Variants in SLC44A5 observed in about 807,000 individuals in gnomAD.
The protein encoded by SLC44A5 is choline transporter-like protein 5.
SLC44A5 carries 57 observed loss-of-function variants against 101.8 expected under a neutral mutation model. That is an observed-to-expected ratio of 0.56 (90% CI 0.45 to 0.70). The LOEUF is 0.70. Ranked by LOEUF, SLC44A5 falls within the 30% of genes least tolerant of loss-of-function variation. The probability of loss-of-function intolerance (pLI) is 0.00; values close to 1 mark genes in which losing one functional copy is unlikely to be tolerated. For synonymous variants in SLC44A5, 281 were observed against 290.9 expected (o/e 0.97, Z 0.35); for missense variants, 737 against 853.1 (o/e 0.86, Z 1.70).
At chr1:75,403,125 G>A (rs896814239) in intron 2 of SLC44A5, among the ~76,000 whole-genome samples, 5 of 152,198 alleles carry the variant, frequency 3.3e-5, no homozygotes, top group African/African-American at 9.6e-5. Context: ...CAAAGACACT[G>A]TAGCCAGACT....
chr1:75,720,430 A>T, the SLC44A5 span: 12 of 152,220 alleles, frequency 7.9e-5, no homozygotes, highest in Non-Finnish European at 8.8e-5. Flanking sequence ...AAGTTTTGTG[A>T]AACAGTGCTT....
intron 4 of SLC44A5, among the ~76,000 whole-genome samples, chr1:75,304,250 A>G (rs1273007747): frequency 1.3e-5 from 2 of 152,026 alleles, no homozygotes; most frequent in African/African-American, 4.8e-5. Flanking sequence ...TTGTTTCTGT[A>G]GCAACTTGAT....
At chr1:75,625,960 T>G in the SLC44A5 span, among the ~76,000 whole-genome samples, 1 of 152,268 alleles carries the variant, frequency 6.6e-6, no homozygotes, top group East Asian at 1.9e-4. Flanking sequence ...GCTTCTAGTT[T>G]CTCTTTGAAG....
intron 1 of SLC44A5, among the ~76,000 whole-genome samples, chr1:75,550,035 G>GA (rs1570590685): frequency 6.6e-6 from 1 of 151,814 alleles, no homozygotes; most frequent in South Asian, 2.1e-4. Context: ...TTTAAGTGAA[G>GA]AAAAAAACAT....
At chr1:75,538,160 G>A (rs1003704952) in intron 2 of SLC44A5, 4 of 152,188 alleles carry the variant, frequency 2.6e-5, no homozygotes, top group African/African-American at 9.7e-5. Flanking sequence ...GAACATCCAA[G>A]AATAAACAGA....
intron 4 of SLC44A5, among the ~76,000 whole-genome samples, chr1:75,318,399 GAAAGAAA>G (rs1250435412): frequency 6.7e-6 from 1 of 148,560 alleles, no homozygotes; most frequent in African/African-American, 2.5e-5. Context: ...AAGAAAGAAA[GAAAGAAA>G]GAAAGAAAGA....
At chr1:75,461,738 G>A (rs530414683) in intron 2 of SLC44A5, among the ~76,000 whole-genome samples, 1 of 152,172 alleles carries the variant, frequency 6.6e-6, no homozygotes, top group Non-Finnish European at 1.5e-5. Flanking sequence ...ACAATAAGCT[G>A]ACTAAAAAGC....
chr1:75,674,771 A>C, the SLC44A5 span, among the ~76,000 whole-genome samples: 3 of 152,230 alleles, frequency 2.0e-5, no homozygotes, highest in African/African-American at 4.8e-5. Flanking sequence ...GGCCTTAAAG[A>C]GGAGATAGAG....
chr1:75,529,588 A>G (rs1328409782), intron 2 of SLC44A5, among the ~76,000 whole-genome samples: 1 of 152,206 alleles, frequency 6.6e-6, no homozygotes. Context: ...TTCCAAAGGC[A>G]GTCAGCCTCT....
chr1:75,632,971 T>C, the SLC44A5 span, among the ~76,000 whole-genome samples: 1 of 152,228 alleles, frequency 6.6e-6, no homozygotes, highest in Admixed American at 6.5e-5. Flanking sequence ...TTGTGATTAA[T>C]AACTTTTATA....
At chr1:75,675,805 T>A in the SLC44A5 span, among the ~76,000 whole-genome samples, 7 of 152,102 alleles carry the variant, frequency 4.6e-5, no homozygotes, top group Admixed American at 2.0e-4. Flanking sequence ...AATCTATCCA[T>A]CTAACAAAGG....
intron 18 of SLC44A5, among the ~76,000 whole-genome samples, chr1:75,216,848 A>G (rs1411599705): frequency 6.6e-6 from 1 of 151,918 alleles, no homozygotes; most frequent in Non-Finnish European, 1.5e-5. Flanking sequence ...TATGTTCTGG[A>G]TATGAATTCC....
At chr1:75,257,879 G>C (rs1650145968) in intron 6 of SLC44A5, among the ~76,000 whole-genome samples, 1 of 152,112 alleles carries the variant, frequency 6.6e-6, no homozygotes, top group Non-Finnish European at 1.5e-5. Flanking sequence ...TAGTTGGACA[G>C]TGGGTGTAGC....
the SLC44A5 span, among the ~76,000 whole-genome samples, chr1:75,638,316 T>C: frequency 6.6e-6 from 1 of 152,198 alleles, no homozygotes; most frequent in Non-Finnish European, 1.5e-5. Flanking sequence ...TGATTTAACA[T>C]AGTAAGTAGA....
chr1:75,229,598 A>G (rs1225551323), intron 12 of SLC44A5, among the ~76,000 whole-genome samples: 5 of 152,124 alleles, frequency 3.3e-5, no homozygotes, highest in African/African-American at 1.2e-4. Context: ...CCTCCTGCTA[A>G]TACTGCCATT....
chr1:75,621,905 T>C, the SLC44A5 span, among the ~76,000 whole-genome samples: 1 of 152,132 alleles, frequency 6.6e-6, no homozygotes, highest in African/African-American at 2.4e-5. Context: ...TCAATTAACA[T>C]ATGAAGGGGC....
At chr1:75,328,427 C>T (rs1455024003) in intron 4 of SLC44A5, among the ~76,000 whole-genome samples, 1 of 152,148 alleles carries the variant, frequency 6.6e-6, no homozygotes, top group African/African-American at 2.4e-5. Context: ...GTTGTAACCA[C>T]AGGAAAGGTG....
At chr1:75,313,587 T>G (rs1655469098) in intron 4 of SLC44A5, among the ~76,000 whole-genome samples, 1 of 152,166 alleles carries the variant, frequency 6.6e-6, no homozygotes, top group Non-Finnish European at 1.5e-5. Flanking sequence ...GGACTGTCCA[T>G]TATGAACAAT....
intron 5 of SLC44A5, among the ~76,000 whole-genome samples, chr1:75,279,821 C>A (rs1414133713): frequency 2.0e-5 from 3 of 151,528 alleles, no homozygotes; most frequent in African/African-American, 4.8e-5. Flanking sequence ...TGGATAAGTC[C>A]TTTAGTGGTG....
Sources: allele counts gnomAD v4.1 joint callset (sites outside exome capture counted in the v4.1 genomes callset), GRCh38; gene constraint gnomAD v4.1.1; transcripts MANE v1.5; gene names NCBI Gene and HGNC (gene_info 2026-07-23, HGNC 2026-07-21).